Variants in NRG1 observed in about 807,000 individuals in gnomAD.
NRG1 encodes the protein pro-neuregulin-1, membrane-bound isoform.
A neutral mutation model predicts 63.8 loss-of-function variants in NRG1; 18 were observed. That is an observed-to-expected ratio of 0.28 (90% CI 0.19 to 0.42). The LOEUF is 0.42. Among genes scored for constraint, NRG1 ranks in the 10% least tolerant of loss-of-function variants. NRG1 has a pLI of 1.00. For synonymous variants in NRG1, 302 were observed against 301.3 expected (o/e 1.00, Z -0.02); for missense variants, 762 against 814.7 (o/e 0.94, Z 0.79).
At chr8:31,986,156 T>C (rs1489831668) in intron 1 of NRG1, among the ~76,000 whole-genome samples, 2 of 152,118 alleles carry the variant, frequency 1.3e-5, no homozygotes, top group Non-Finnish European at 2.9e-5. Flanking sequence ...TAGCCCCTCA[T>C]AATATGCATT....
chr8:31,881,457 T>G (rs553308211), intron 1 of NRG1, among the ~76,000 whole-genome samples: 1 of 152,310 alleles, frequency 6.6e-6, no homozygotes, highest in African/African-American at 2.4e-5. Context: ...TCCCTATTCC[T>G]TGAGACAAAA....
At chr8:32,311,594 G>A (rs993242786) in intron 1 of NRG1, among the ~76,000 whole-genome samples, 2 of 152,162 alleles carry the variant, frequency 1.3e-5, no homozygotes, top group Non-Finnish European at 2.9e-5. Context: ...GGGCCTGAGG[G>A]TCACAGGAAA....
intron 1 of NRG1, among the ~76,000 whole-genome samples, chr8:32,560,873 C>T (rs536283674): frequency 1.3e-5 from 2 of 152,274 alleles, no homozygotes; most frequent in Admixed American, 1.3e-4. Context: ...TTGCCTGGCA[C>T]CTAATGTTTG....
chr8:32,657,095 T>C (rs964895853), intron 5 of NRG1, among the ~76,000 whole-genome samples: 1 of 151,948 alleles, frequency 6.6e-6, no homozygotes, highest in African/African-American at 2.4e-5. Flanking sequence ...AATTTAAAAT[T>C]AAACCAAATG....
chr8:32,248,965 A>G (rs1377069654), intron 1 of NRG1, among the ~76,000 whole-genome samples: 1 of 152,070 alleles, frequency 6.6e-6, no homozygotes. Flanking sequence ...TTATGTTCCT[A>G]CAAGAGACAG....
chr8:32,760,460 T>C (rs563175498), intron 11 of NRG1, 54 bp downstream of exon 11: 64 of 1,607,104 alleles, frequency 4.0e-5, no homozygotes, highest in Non-Finnish European at 5.2e-5. Context: ...AGAGAATCCC[T>C]GTGAGCACCT....
Position 32,339,750 on chromosome 8 carries a change from G to T in NRG1, c.38-256078G>T, listed in dbSNP as rs187214441. 2.6e-5 allele frequency among the ~76,000 whole-genome samples: 4 copies of T among 152,238 alleles called. No individual in the cohort carries two copies. In the East Asian group the frequency reaches 7.7e-4, roughly 29 times the overall value. On this transcript the variant is annotated intron_variant, in intron 1 of 10. Coordinates refer to the NRG1 transcript ENST00000519301. The stretch of plus-strand genomic sequence containing the variant: ...TAGTCACCGCCAATAAGTATTAGAG[G>T]GAATATTGCAACCCAGTCAACTTTC...
In NRG1 at chr8:32,694,881, GC is replaced by G. The variant is rs947244486; in HGVS notation, c.503-33067del. Among the ~76,000 whole-genome samples the G allele has an allele frequency of 3.9e-5, 6 of 152,292 alleles. No individual in the cohort carries two copies. In the South Asian group the frequency reaches 1.2e-3, roughly 32 times the overall value. On this transcript the variant is annotated intron_variant, in intron 5 of 11. Transcript: ENST00000356819. ...AATCCCACAGCGAGGGTCCACGGGA[GC>G]TAGGACTCTGGCTTTCAGGACCCTC...
At position 32,571,879 on chromosome 8, in the gene NRG1, C is replaced by T. The variant is rs567785845; in HGVS notation, c.100+23053C>T. ...CATACAGGCAGTGACCATATATGCT[C>T]ATTTTAAGTTACAAATATACACACA... On this transcript the variant is annotated intron_variant, in intron 1 of 11. Transcript: ENST00000356819. Among the ~76,000 whole-genome samples the T allele has an allele frequency of 2.6e-5, 4 of 152,140 alleles. No individual in the cohort carries two copies. In the East Asian group the frequency reaches 5.8e-4, roughly 22 times the overall value.
intron 1 of NRG1, among the ~76,000 whole-genome samples, chr8:31,958,745 A>C (rs1309159909): frequency 6.6e-6 from 1 of 152,198 alleles, no homozygotes; most frequent in African/African-American, 2.4e-5. Context: ...AGTTGGGAGA[A>C]ATCAAAATTT....
intron 1 of NRG1, among the ~76,000 whole-genome samples, chr8:31,885,110 A>AAATTTAAT: frequency 2.0e-5 from 3 of 152,168 alleles, no homozygotes; most frequent in Non-Finnish European, 2.9e-5. Context: ...TGCTACCAAT[A>AAATTTAAT]GATGCAGACT....
chr8:32,499,744 C>A (rs1028502021), intron 1 of NRG1, among the ~76,000 whole-genome samples: 5 of 152,142 alleles, frequency 3.3e-5, no homozygotes, highest in African/African-American at 7.2e-5. Flanking sequence ...ATAACAGGGG[C>A]AGTCTCAGTC....
intron 1 of NRG1, among the ~76,000 whole-genome samples, chr8:32,014,349 G>C (rs980496569): frequency 6.6e-6 from 1 of 152,042 alleles, no homozygotes; most frequent in African/African-American, 2.4e-5. Context: ...ATTTGGCTCT[G>C]TTTGTCTCTT....
At chr8:31,942,926 A>G (rs2129621243) in intron 1 of NRG1, among the ~76,000 whole-genome samples, 1 of 151,872 alleles carries the variant, frequency 6.6e-6, no homozygotes, top group East Asian at 1.9e-4. Flanking sequence ...TGCAATGAAA[A>G]GGGAACACTT....
chr8:32,555,776 G>A (rs1418378770), intron 1 of NRG1, among the ~76,000 whole-genome samples: 1 of 152,166 alleles, frequency 6.6e-6, no homozygotes, highest in Non-Finnish European at 1.5e-5. Flanking sequence ...CGGCGGGGCT[G>A]ATATTTTAAT....
At chr8:31,659,740 G>A (rs2130929295) in intron 1 of NRG1, among the ~76,000 whole-genome samples, 1 of 152,270 alleles carries the variant, frequency 6.6e-6, no homozygotes, top group Middle Eastern at 3.4e-3. Flanking sequence ...TTCTTGTCTT[G>A]CTGCATGCTC....
chr8:32,481,291 A>T, intron 1 of NRG1, among the ~76,000 whole-genome samples: 1 of 152,096 alleles, frequency 6.6e-6, no homozygotes, highest in Admixed American at 6.6e-5. Context: ...TTGCAGTGAG[A>T]TTGCACCACT....
chr8:31,727,101 G>A (rs187776957), intron 1 of NRG1, among the ~76,000 whole-genome samples: 16 of 152,172 alleles, frequency 1.1e-4, no homozygotes, highest in Admixed American at 6.5e-4. Flanking sequence ...AAACATGTAC[G>A]GAGTGCCTAC....
chr8:32,516,565 A>T (rs1829842346), intron 1 of NRG1, among the ~76,000 whole-genome samples: 1 of 152,144 alleles, frequency 6.6e-6, no homozygotes, highest in African/African-American at 2.4e-5. Context: ...ATGAACATGG[A>T]ATGTTTTTCC....
Sources: gnomAD v4.1 joint callset for allele counts (sites outside exome capture counted in the v4.1 genomes callset) on GRCh38, gnomAD v4.1.1 for gene constraint, MANE v1.5 for transcripts, NCBI Gene and HGNC (gene_info 2026-07-23, HGNC 2026-07-21) for gene names.